DPP6: variants seen among roughly 807,000 people sequenced by gnomAD.
The protein encoded by DPP6 is dipeptidyl peptidase like 6.
In DPP6, 69 loss-of-function variants were observed where a neutral mutation model predicts 122.6. The observed-to-expected ratio is 0.56, with a 90% CI of 0.46 to 0.69. The LOEUF (loss-of-function observed/expected upper bound fraction) is 0.69. DPP6 is among the 30% of genes least tolerant of loss of function. The pLI, the probability that DPP6 is intolerant of heterozygous loss-of-function variation, is 0.00. For synonymous variants in DPP6, 418 were observed against 433.1 expected (o/e 0.97, Z 0.43); for missense variants, 928 against 1,116.9 (o/e 0.83, Z 2.41).
intron 1 of DPP6, among the ~76,000 whole-genome samples, chr7:153,940,772 G>A (rs769808184): frequency 7.9e-5 from 12 of 152,202 alleles, no homozygotes; most frequent in Non-Finnish European, 1.8e-4. Flanking sequence ...GCCACCTGGA[G>A]TAATCTTCCT....
chr7:153,881,486 T>G, the DPP6 span, among the ~76,000 whole-genome samples: 1 of 152,214 alleles, frequency 6.6e-6, no homozygotes, highest in African/African-American at 2.4e-5. Context: ...CCTTACTACC[T>G]ACCCAAATGA....
At chr7:153,934,473 T>G (rs1324393809) in intron 1 of DPP6, among the ~76,000 whole-genome samples, 1 of 152,212 alleles carries the variant, frequency 6.6e-6, no homozygotes, top group African/African-American at 2.4e-5. Context: ...CTCTTCCACA[T>G]TTTGGGGTAA....
At chr7:154,438,021 G>A (rs117260665) in intron 1 of DPP6, among the ~76,000 whole-genome samples, 2,574 of 152,284 alleles carry the variant, frequency 0.017, 29 homozygotes, top group Non-Finnish European at 0.024. Context: ...TCGAGTGTAA[G>A]TGTAGCTAGA....
At chr7:154,498,844 G>T (rs1824976382) in intron 3 of DPP6, among the ~76,000 whole-genome samples, 1 of 152,200 alleles carries the variant, frequency 6.6e-6, no homozygotes. Context: ...GTAAAAATCA[G>T]AAAGTCTCCA....
chr7:154,214,290 T>C (rs1799885059), intron 1 of DPP6, among the ~76,000 whole-genome samples: 1 of 152,196 alleles, frequency 6.6e-6, no homozygotes. Flanking sequence ...CATCAGATTG[T>C]TTGAAATAGT....
At chr7:154,023,346 A>G (rs1798805822) in intron 1 of DPP6, among the ~76,000 whole-genome samples, 4 of 151,774 alleles carry the variant, frequency 2.6e-5, no homozygotes, top group Non-Finnish European at 5.9e-5. Flanking sequence ...ACACACACAC[A>G]CACACACACA....
At chr7:154,819,418 TAAA>T (rs1208837522) in intron 16 of DPP6, among the ~76,000 whole-genome samples, 6 of 148,594 alleles carry the variant, frequency 4.0e-5, no homozygotes, top group African/African-American at 1.5e-4. Context: ...TCTGTCTCAA[TAAA>T]TAAATAAATT....
chr7:154,413,493 C>A (rs1422397536), intron 1 of DPP6, among the ~76,000 whole-genome samples: 1 of 152,114 alleles, frequency 6.6e-6, no homozygotes, highest in South Asian at 2.1e-4. Flanking sequence ...TATTCATATG[C>A]CATTTTGATT....
chr7:154,189,077 C>T (rs186948452), intron 1 of DPP6, among the ~76,000 whole-genome samples: 70 of 152,246 alleles, frequency 4.6e-4, no homozygotes, highest in Middle Eastern at 6.8e-3. Flanking sequence ...CTCCTTCTTG[C>T]GTTCTGTGGG....
At chr7:153,872,010 T>C in the DPP6 span, among the ~76,000 whole-genome samples, 2 of 152,236 alleles carry the variant, frequency 1.3e-5, no homozygotes, top group Admixed American at 1.3e-4. Context: ...CTTGCAAATA[T>C]CCACATTAAC....
At chr7:154,473,570 C>T (rs73169387) in intron 2 of DPP6, among the ~76,000 whole-genome samples, 5,840 of 152,198 alleles carry the variant, frequency 0.038, 210 homozygotes, top group African/African-American at 0.084. Context: ...CCAAAAGTGA[C>T]GTAATAAAAC....
At chr7:153,817,583 G>C in the DPP6 span, among the ~76,000 whole-genome samples, 1 of 151,970 alleles carries the variant, frequency 6.6e-6, no homozygotes, top group African/African-American at 2.4e-5. Flanking sequence ...GGAATACTAT[G>C]CAGCCATCAA....
chr7:154,553,110 G>A (rs1420938535), intron 4 of DPP6, among the ~76,000 whole-genome samples: 2 of 152,226 alleles, frequency 1.3e-5, no homozygotes, highest in African/African-American at 4.8e-5. Flanking sequence ...AAAGGGGTTT[G>A]TAGAAGGTAA....
In DPP6 at chr7:154,496,277, T is replaced by G. The variant is rs563249599; in HGVS notation, c.457+21240T>G. The stretch of plus-strand genomic sequence containing the variant: ...ACTCCATAGTCTCAGAATCCAAGAC[T>G]GCAAATCTCCTGTCTAAAAGGAATG... On this transcript the variant is annotated intron_variant, in intron 3 of 25. Coordinates refer to ENST00000377770, the MANE Select transcript of DPP6 (RefSeq NM_130797.4). Among the ~76,000 whole-genome samples, 7 of 152,330 alleles carry G rather than the reference T, an allele frequency of 4.6e-5. No homozygotes were observed. In the South Asian group the frequency reaches 1.2e-3, roughly 27 times the overall value.
At chr7:154,700,849 C>T (rs1840479290) in intron 7 of DPP6, among the ~76,000 whole-genome samples, 1 of 152,044 alleles carries the variant, frequency 6.6e-6, no homozygotes, top group African/African-American at 2.4e-5. Flanking sequence ...CAGGATAGGG[C>T]GGTGGCCCCT....
intron 17 of DPP6, among the ~76,000 whole-genome samples, chr7:154,857,153 C>G (rs1365675434): frequency 6.6e-6 from 1 of 152,096 alleles, no homozygotes; most frequent in Non-Finnish European, 1.5e-5. Context: ...AGGATGGTAA[C>G]TTAAGCTGCC....
intron 1 of DPP6, among the ~76,000 whole-genome samples, chr7:154,030,241 G>A (rs1417787890): frequency 6.6e-6 from 1 of 152,158 alleles, no homozygotes; most frequent in Non-Finnish European, 1.5e-5. Context: ...CTATTTCTCT[G>A]CCCCTGACCT....
At chr7:154,370,341 A>C (rs888038674) in intron 1 of DPP6, among the ~76,000 whole-genome samples, 11 of 150,896 alleles carry the variant, frequency 7.3e-5, no homozygotes, top group African/African-American at 2.7e-4. Context: ...ATCAATTGTG[A>C]ATACAAGACA....
upstream of DPP6, among the ~76,000 whole-genome samples, chr7:154,049,864 C>T (rs1425734786): frequency 2.6e-5 from 4 of 151,740 alleles, no homozygotes; most frequent in East Asian, 3.9e-4. Context: ...GGATTACAGG[C>T]GTGAGCCACC....
Sources: allele counts gnomAD v4.1 joint callset (sites outside exome capture counted in the v4.1 genomes callset), GRCh38; gene constraint gnomAD v4.1.1; transcripts MANE v1.5; gene names NCBI Gene and HGNC (gene_info 2026-07-23, HGNC 2026-07-21).